Variants in EML5 observed in about 807,000 individuals in gnomAD.
EML5 encodes echinoderm microtubule-associated protein-like 5.
EML5 carries 120 observed loss-of-function variants against 250.0 expected under a neutral mutation model. The observed-to-expected ratio is 0.48, with a 90% CI of 0.41 to 0.56. The LOEUF (loss-of-function observed/expected upper bound fraction) is 0.56, where lower values mean the gene tolerates loss of function less well. Ranked by LOEUF, EML5 falls within the 20% of genes least tolerant of loss-of-function variation. The pLI, the probability that EML5 is intolerant of heterozygous loss-of-function variation, is 0.00. For missense variants in EML5, 2,006 were observed against 2,437.6 expected, an observed-to-expected ratio of 0.82 and a Z score of 3.73; for synonymous variants, 771 against 806.5, an observed-to-expected ratio of 0.96 and a Z score of 0.75.
At chr14:88,662,895 A>G (rs1447373075) in intron 24 of EML5, 136 bp downstream of exon 24, 2 of 644,616 alleles carry the variant, frequency 3.1e-6, no homozygotes, top group Non-Finnish European at 5.1e-6. Context: ...TTCTGACTCA[A>G]TAAACTCAAT....
In EML5 at chr14:88,616,304, T is replaced by C. The variant is rs964119767; in HGVS notation, c.5797-62A>G. ...TGCACACAGAAGTCAAAGGCTCTTATTAGGAACTATAATCTCTATGACAAG... is the reference window on the plus strand; with the variant it reads ...TGCACACAGAAGTCAAAGGCTCTTACTAGGAACTATAATCTCTATGACAAG... On this transcript the variant is annotated intron_variant, in intron 42 of 43. Coordinates refer to ENST00000554922, the MANE Select transcript of EML5 (RefSeq NM_183387.3). 2.1e-6 allele frequency: 3 copies of C among 1,460,704 alleles called. No individual in the cohort carries two copies. The Admixed American group carries it at 5.0e-5, about 24-fold the overall frequency. 90.5% of individuals were successfully genotyped at this position (1,460,704 alleles called of 1,614,324 possible). A position where few individuals can be genotyped will look rare whatever the true frequency, so the allele number is the denominator to read the frequency against.
intron 14 of EML5, among the ~76,000 whole-genome samples, chr14:88,700,630 T>C (rs893605773): frequency 6.6e-6 from 1 of 152,104 alleles, no homozygotes. Flanking sequence ...AACAAGCACC[T>C]TAGAACAGAG....
At chr14:88,616,904 C>A (rs773975809) in intron 41 of EML5, 25 bp from the exon 42 acceptor site, 2 of 1,609,494 alleles carry the variant, frequency 1.2e-6, no homozygotes, top group Non-Finnish European at 1.7e-6. Context: ...CAAAAGAAAA[C>A]TCATCATGGC....
chr14:88,768,119 G>A (rs2094343841), intron 1 of EML5, among the ~76,000 whole-genome samples: 1 of 152,116 alleles, frequency 6.6e-6, no homozygotes, highest in Non-Finnish European at 1.5e-5. Flanking sequence ...GTGGGGTTAT[G>A]CATTTTGGGT....
At chr14:88,681,207 A>G (rs2092706508) in intron 21 of EML5, among the ~76,000 whole-genome samples, 2 of 152,362 alleles carry the variant, frequency 1.3e-5, no homozygotes, top group Non-Finnish European at 1.5e-5. Context: ...TAAAAACTAG[A>G]ATAAAGATCT....
chr14:88,622,587 C>T lies in EML5; in HGVS notation c.5013+17G>A. Reference sequence around the variant, plus strand: ...TCTGTTTTCTGCTGCACTGTATCAGCTCATGGAACATCTTACTTTGCCTCT... The same window carrying T: ...TCTGTTTTCTGCTGCACTGTATCAGTTCATGGAACATCTTACTTTGCCTCT... On this transcript the variant is annotated intron_variant, in intron 37 of 43. Coordinates refer to ENST00000554922, the MANE Select transcript of EML5 (RefSeq NM_183387.3). 6.3e-7 allele frequency: 1 copy of T among 1,582,250 alleles called. No individual in the cohort carries two copies. The highest frequency in any genetic ancestry group is 8.6e-7 in the Non-Finnish European group (1 of 1,163,076).
chr14:88,642,807 T>C (rs1170557591), intron 31 of EML5, 86 bp downstream of exon 31: 2 of 1,272,910 alleles, frequency 1.6e-6, no homozygotes, highest in African/African-American at 1.5e-5. Context: ...TTACTATTTA[T>C]AGCTTTAACA....
chr14:88,628,115 C>T (rs2090155910), intron 33 of EML5, among the ~76,000 whole-genome samples: 1 of 152,064 alleles, frequency 6.6e-6, no homozygotes, highest in Admixed American at 6.6e-5. Context: ...TTAAACAATT[C>T]AAAACAAATG....
chr14:88,616,006 G>A, intron 43 of EML5, 136 bp downstream of exon 43: 1 of 1,269,810 alleles, frequency 7.9e-7, no homozygotes, highest in East Asian at 2.4e-5. Context: ...ATGAGATTCT[G>A]AAGAGCCATC....
intron 8 of EML5, among the ~76,000 whole-genome samples, chr14:88,726,047 C>T (rs2093661542): frequency 6.6e-6 from 1 of 152,136 alleles, no homozygotes; most frequent in South Asian, 2.1e-4. Flanking sequence ...ATTTATCTAT[C>T]TATAATTCAA....
intron 1 of EML5, among the ~76,000 whole-genome samples, chr14:88,759,698 A>AAC (rs1555374472): frequency 2.8e-5 from 4 of 142,204 alleles, no homozygotes; most frequent in African/African-American, 1.1e-4. Context: ...AAAAAAAAAA[A>AAC]AAAAAACTGG....
At chr14:88,785,723 A>G (rs2094544711) in intron 1 of EML5, among the ~76,000 whole-genome samples, 1 of 150,658 alleles carries the variant, frequency 6.6e-6, no homozygotes, top group Non-Finnish European at 1.5e-5. Flanking sequence ...TTTTGTCACT[A>G]CTTTCACTGT....
At chr14:88,773,236 G>A (rs1358152146) in intron 1 of EML5, among the ~76,000 whole-genome samples, 2 of 152,178 alleles carry the variant, frequency 1.3e-5, no homozygotes, top group African/African-American at 4.8e-5. Context: ...ACATAATTAT[G>A]ACCTTCCAGG....
chr14:88,690,531 T>C (rs909658757), intron 17 of EML5, among the ~76,000 whole-genome samples: 2 of 151,490 alleles, frequency 1.3e-5, no homozygotes, highest in Non-Finnish European at 2.9e-5. Flanking sequence ...CTGGGTGGAG[T>C]GGTGAGGTGA....
At chr14:88,662,276 A>G (rs2092128954) in intron 24 of EML5, among the ~76,000 whole-genome samples, 1 of 133,160 alleles carries the variant, frequency 7.5e-6, no homozygotes, top group Admixed American at 7.6e-5. Flanking sequence ...TCCTAGGCCA[A>G]GATAAAAAAT....
intron 21 of EML5, among the ~76,000 whole-genome samples, chr14:88,668,108 G>C (rs963435126): frequency 1.3e-5 from 2 of 152,212 alleles, no homozygotes. Context: ...CTTAGTACTA[G>C]GGTTGCTGCT....
chr14:88,738,621 C>T (rs554927187), intron 6 of EML5, among the ~76,000 whole-genome samples: 1 of 152,260 alleles, frequency 6.6e-6, no homozygotes, highest in African/African-American at 2.4e-5. Context: ...GTGAGTACCT[C>T]TCACATCTCT....
chr14:88,667,495 T>C (rs1183485154), intron 21 of EML5, among the ~76,000 whole-genome samples: 1 of 152,216 alleles, frequency 6.6e-6, no homozygotes, highest in Non-Finnish European at 1.5e-5. Flanking sequence ...TCTGTGATTG[T>C]ACTGAAGTTC....
chr14:88,660,657 A>G (rs1403648810), intron 25 of EML5, among the ~76,000 whole-genome samples: 1 of 151,836 alleles, frequency 6.6e-6, no homozygotes, highest in South Asian at 2.1e-4. Flanking sequence ...GCAGGAGAAT[A>G]GCTTGAACCC....
Sources: gnomAD v4.1 joint callset for allele counts (sites outside exome capture counted in the v4.1 genomes callset) on GRCh38, gnomAD v4.1.1 for gene constraint, MANE v1.5 for transcripts, NCBI Gene and HGNC (gene_info 2026-07-23, HGNC 2026-07-21) for gene names.